The following NDUFS4 variants were observed in gnomAD, a reference collection of about 807,000 sequenced individuals.
NDUFS4 encodes NADH dehydrogenase [ubiquinone] iron-sulfur protein 4, mitochondrial.
Under a neutral mutation model 24.3 loss-of-function variants are expected in NDUFS4, and 28 were observed. The ratio of observed to expected loss-of-function variants is 1.15; its 90% CI spans 0.85 to 1.58. The LOEUF is 1.58. Ranked by LOEUF, NDUFS4 falls within the 40% of genes most tolerant of loss-of-function variation. The pLI is 0.00. For synonymous variants in NDUFS4, 93 were observed against 69.7 expected (o/e 1.34, Z -1.67); for missense variants, 223 against 207.9 (o/e 1.07, Z -0.45).
chr5:53,655,540 C>T (rs1415439559), intron 3 of NDUFS4, among the ~76,000 whole-genome samples: 1 of 151,766 alleles, frequency 6.6e-6, no homozygotes, highest in South Asian at 2.1e-4. Context: ...TGAAGAATCT[C>T]GTATATATCT....
chr5:53,664,256 C>T (rs569661145), intron 4 of NDUFS4, among the ~76,000 whole-genome samples: 94 of 152,252 alleles, frequency 6.2e-4, no homozygotes, highest in Non-Finnish European at 9.1e-4. Context: ...CTCTTGCTGC[C>T]GTTAACATCT....
chr5:53,653,577 A>C (rs1439571135), intron 3 of NDUFS4, among the ~76,000 whole-genome samples: 1 of 152,060 alleles, frequency 6.6e-6, no homozygotes, highest in Non-Finnish European at 1.5e-5. Flanking sequence ...CTATAGATAC[A>C]TGTTTCCATA....
chr5:53,595,996 TTAAG>T (rs1750121795), intron 1 of NDUFS4, among the ~76,000 whole-genome samples: 4 of 152,348 alleles, frequency 2.6e-5, no homozygotes, highest in African/African-American at 9.6e-5. Context: ...TGCAAAAACT[TTAAG>T]TGAGAATAAA....
rs777054845 is a variant in NDUFS4, at chr5:53,587,767, C to T, written c.99-15685C>T. 1.1e-4 allele frequency among the ~76,000 whole-genome samples: 17 copies of T among 152,094 alleles called. 1 individual carries two copies. The South Asian group carries it at 1.7e-3, about 15-fold the overall frequency. Reference sequence around the variant, plus strand: ...TAATTTTTGTGTTTTTTGGTAGAGACGGGATTTCACCATGTTGCCCAGGCT... The same window carrying T: ...TAATTTTTGTGTTTTTTGGTAGAGATGGGATTTCACCATGTTGCCCAGGCT... On this transcript the variant is annotated intron_variant, in intron 1 of 4. Coordinates refer to ENST00000296684, the MANE Select transcript of NDUFS4 (RefSeq NM_002495.4).
In NDUFS4 at chr5:53,683,251, G is replaced by A; in HGVS notation, c.*30G>A. ...GCACTGACTATATCTCTGCTTGACT[G>A]TGAATAAAGTCAGCTGTGCAGTATT... is the stretch of plus-strand genomic sequence containing the variant. On this transcript the variant is annotated 3_prime_UTR_variant, in exon 5 of 5. Transcript: ENST00000296684. The A allele has an allele frequency of 7.0e-7, 1 of 1,436,248 alleles. No individual in the cohort carries two copies. The highest frequency in any genetic ancestry group is 9.8e-7 in the Non-Finnish European group (1 of 1,018,638). 89.0% of individuals were successfully genotyped at this position (1,436,248 alleles called of 1,614,324 possible). A position where few individuals can be genotyped will look rare whatever the true frequency, so the allele number is the denominator to read the frequency against.
intron 1 of NDUFS4, among the ~76,000 whole-genome samples, chr5:53,589,730 C>G (rs993821855): frequency 3.3e-5 from 5 of 152,194 alleles, no homozygotes; most frequent in Admixed American, 2.6e-4. Flanking sequence ...CAGACCCACC[C>G]GTAATCTGGG....
chr5:53,651,784 T>C (rs1240528595), intron 3 of NDUFS4, among the ~76,000 whole-genome samples: 5 of 150,324 alleles, frequency 3.3e-5, no homozygotes, highest in Admixed American at 6.6e-5. Flanking sequence ...CTTTTTTTTT[T>C]TTTTTTTGAG....
At chr5:53,647,279 C>A (rs1468603923) in intron 3 of NDUFS4, among the ~76,000 whole-genome samples, 1 of 151,988 alleles carries the variant, frequency 6.6e-6, no homozygotes, top group Non-Finnish European at 1.5e-5. Flanking sequence ...GTGATGTGAT[C>A]CTAGCTCACT....
At chr5:53,596,235 A>G (rs1750128485) in intron 1 of NDUFS4, among the ~76,000 whole-genome samples, 1 of 151,848 alleles carries the variant, frequency 6.6e-6, no homozygotes, top group African/African-American at 2.4e-5. Flanking sequence ...GTTCAAGACC[A>G]GCCTAGGCAA....
At chr5:53,645,069 T>C (rs1455341712) in intron 2 of NDUFS4, among the ~76,000 whole-genome samples, 2 of 152,156 alleles carry the variant, frequency 1.3e-5, no homozygotes, top group Non-Finnish European at 2.9e-5. Flanking sequence ...GTGTGTATTA[T>C]AATGACATAA....
intron 2 of NDUFS4, among the ~76,000 whole-genome samples, chr5:53,641,264 G>A (rs1751699542): frequency 1.3e-5 from 2 of 152,084 alleles, no homozygotes; most frequent in Non-Finnish European, 2.9e-5. Flanking sequence ...TTTTGACTCA[G>A]CCCTTTGCTT....
intron 4 of NDUFS4, among the ~76,000 whole-genome samples, chr5:53,668,441 T>C (rs1297570988): frequency 6.6e-6 from 1 of 151,996 alleles, no homozygotes; most frequent in Non-Finnish European, 1.5e-5. Flanking sequence ...TCAGTTGCTT[T>C]CTGGAAAACC....
chr5:53,612,807 A>AT (rs1419096389), intron 2 of NDUFS4, among the ~76,000 whole-genome samples: 33 of 152,174 alleles, frequency 2.2e-4, no homozygotes, highest in African/African-American at 6.3e-4. Context: ...ATTTAATACA[A>AT]TTTTTTTGTC....
chr5:53,604,471 CAT>C (rs1390058637), intron 2 of NDUFS4, among the ~76,000 whole-genome samples: 18 of 152,192 alleles, frequency 1.2e-4, no homozygotes, highest in African/African-American at 4.3e-4. Context: ...TACCTACTGA[CAT>C]TGTCATCATC....
At chr5:53,630,995 G>T (rs1406272587) in intron 2 of NDUFS4, among the ~76,000 whole-genome samples, 1 of 152,138 alleles carries the variant, frequency 6.6e-6, no homozygotes, top group South Asian at 2.1e-4. Flanking sequence ...TTTATGCACT[G>T]GTTTCTCCCC....
At chr5:53,568,714 T>C (rs746334738) in intron 1 of NDUFS4, among the ~76,000 whole-genome samples, 10 of 152,168 alleles carry the variant, frequency 6.6e-5, no homozygotes, top group Non-Finnish European at 5.9e-5. Flanking sequence ...AGAAAGTGTT[T>C]TATCCTTTAA....
In NDUFS4 at chr5:53,601,950, A is replaced by C. The variant is rs975529057; in HGVS notation, c.99-1502A>C. Among the ~76,000 whole-genome samples the C allele has an allele frequency of 5.9e-5, 9 of 152,216 alleles. No homozygotes were observed. The South Asian group carries it at 1.7e-3, about 28-fold the overall frequency. On this transcript the variant is annotated intron_variant, in intron 1 of 4. Coordinates refer to ENST00000296684, the MANE Select transcript of NDUFS4 (RefSeq NM_002495.4). ...TTTATTACTGCCTAATTTGTAAAGT[A>C]AACTTTATCATAGGTGTGTATGTAT...
intron 4 of NDUFS4, among the ~76,000 whole-genome samples, chr5:53,668,230 T>TA (rs1185501516): frequency 1.3e-5 from 2 of 152,238 alleles, no homozygotes; most frequent in African/African-American, 4.8e-5. Context: ...TACAATTTGT[T>TA]ATCAATTGTA....
intron 1 of NDUFS4, among the ~76,000 whole-genome samples, chr5:53,580,867 C>G (rs1380307639): frequency 1.4e-5 from 2 of 147,898 alleles, no homozygotes; most frequent in Non-Finnish European, 3.0e-5. Flanking sequence ...GAGTTTCGCT[C>G]TTGTTACCCA....
Sources: allele counts gnomAD v4.1 joint callset (sites outside exome capture counted in the v4.1 genomes callset), GRCh38; gene constraint gnomAD v4.1.1; transcripts MANE v1.5; gene names NCBI Gene and HGNC (gene_info 2026-07-23, HGNC 2026-07-21).